PKNOX2: variants seen among roughly 807,000 people sequenced by gnomAD.
PKNOX2 encodes homeobox protein PKNOX2.
Under a neutral mutation model 53.1 loss-of-function variants are expected in PKNOX2, and 14 were observed. That is an observed-to-expected ratio of 0.26 (90% confidence interval 0.17 to 0.41). PKNOX2 has a LOEUF of 0.41. Among genes scored for constraint, PKNOX2 ranks in the 10% least tolerant of loss-of-function variants. The probability of loss-of-function intolerance (pLI) is 1.00; values close to 1 mark genes in which losing one functional copy is unlikely to be tolerated. For synonymous variants in PKNOX2, 257 were observed against 242.8 expected (o/e 1.06, Z -0.54); for missense variants, 496 against 602.8 (o/e 0.82, Z 1.85).
At chr11:125,241,639 G>A (rs995602383) in intron 2 of PKNOX2, among the ~76,000 whole-genome samples, 6 of 152,174 alleles carry the variant, frequency 3.9e-5, no homozygotes, top group South Asian at 2.1e-4. Context: ...GGCAGATCAC[G>A]AGGTCAGGAG....
chr11:125,275,701 T>G (rs540093820), intron 2 of PKNOX2, among the ~76,000 whole-genome samples: 11 of 152,152 alleles, frequency 7.2e-5, no homozygotes, highest in African/African-American at 2.4e-4. Context: ...ATGGAGAGTT[T>G]TACTTAGATG....
At chr11:125,224,011 C>A (rs986990540) in intron 1 of PKNOX2, among the ~76,000 whole-genome samples, 3 of 152,260 alleles carry the variant, frequency 2.0e-5, no homozygotes, top group Admixed American at 6.5e-5. Context: ...GCACATGAGT[C>A]TTGAGAAGGC....
intron 2 of PKNOX2, among the ~76,000 whole-genome samples, chr11:125,243,654 G>C (rs1195281893): frequency 6.9e-6 from 1 of 145,814 alleles, no homozygotes; most frequent in Non-Finnish European, 1.5e-5. Flanking sequence ...ATAGGGTCTC[G>C]CTCTGTCGCC....
Position 125,342,403 on chromosome 11 carries a change from T to C in PKNOX2, c.-22-8881T>C, listed in dbSNP as rs1474487484. On this transcript the variant is annotated intron_variant, in intron 3 of 12. Coordinates refer to ENST00000298282, the MANE Select transcript of PKNOX2 (RefSeq NM_001382323.2). ...CCGGCCACCCTACTCACACCTTACA[T>C]GGTCCCCATGCCTGCTTTCCTCCTC... Among the ~76,000 whole-genome samples the C allele has an allele frequency of 4.6e-5, 7 of 152,178 alleles. No homozygotes were observed. In the East Asian group the frequency reaches 1.4e-3, roughly 29 times the overall value.
intron 7 of PKNOX2, among the ~76,000 whole-genome samples, chr11:125,405,415 A>G (rs1955025642): frequency 6.6e-6 from 1 of 152,148 alleles, no homozygotes; most frequent in South Asian, 2.1e-4. Flanking sequence ...TTTCCCTATT[A>G]AAAATGAAGC....
chr11:125,421,718 G>A (rs1209563773), intron 10 of PKNOX2, among the ~76,000 whole-genome samples: 3 of 152,234 alleles, frequency 2.0e-5, no homozygotes, highest in Non-Finnish European at 4.4e-5. Context: ...TGGCCTTGCA[G>A]GCCGGCATGT....
At chr11:125,266,515 A>T (rs756853588) in intron 2 of PKNOX2, 32 of 152,272 alleles carry the variant, frequency 2.1e-4, no homozygotes, top group Non-Finnish European at 3.5e-4. Flanking sequence ...TGGAGGCAGG[A>T]AGGGGGTATT....
At chr11:125,284,401 CACA>C (rs1219829301) in intron 2 of PKNOX2, among the ~76,000 whole-genome samples, 3 of 152,190 alleles carry the variant, frequency 2.0e-5, no homozygotes, top group Non-Finnish European at 4.4e-5. Flanking sequence ...GCCTTTACTC[CACA>C]ACAACAACCA....
intron 2 of PKNOX2, among the ~76,000 whole-genome samples, chr11:125,287,446 A>G (rs1410258117): frequency 6.6e-6 from 1 of 152,232 alleles, no homozygotes; most frequent in Admixed American, 6.5e-5. Context: ...AGGGCGTGCT[A>G]GCAGCCAAAT....
At chr11:125,267,204 C>T (rs565809663) in intron 2 of PKNOX2, among the ~76,000 whole-genome samples, 63 of 152,286 alleles carry the variant, frequency 4.1e-4, no homozygotes, top group African/African-American at 1.4e-3. Flanking sequence ...CATAGGTAGA[C>T]GTTTGGTCAA....
intron 2 of PKNOX2, among the ~76,000 whole-genome samples, chr11:125,315,761 A>C (rs1949145007): frequency 6.6e-6 from 1 of 152,124 alleles, no homozygotes; most frequent in South Asian, 2.1e-4. Context: ...GTTTGGCTCA[A>C]GTGCTGACTC....
intron 7 of PKNOX2, among the ~76,000 whole-genome samples, chr11:125,400,150 C>A (rs951992182): frequency 6.6e-6 from 1 of 152,040 alleles, no homozygotes; most frequent in South Asian, 2.1e-4. Flanking sequence ...AGGAATCAGA[C>A]AATTGCGTGG....
At chr11:125,176,689 G>A (rs1339540199) in intron 1 of PKNOX2, among the ~76,000 whole-genome samples, 1 of 152,200 alleles carries the variant, frequency 6.6e-6, no homozygotes, top group Non-Finnish European at 1.5e-5. Flanking sequence ...CCCTCCTGTG[G>A]GGCCCTTTCT....
At chr11:125,392,260 G>C (rs1954095071) in intron 6 of PKNOX2, among the ~76,000 whole-genome samples, 1 of 152,214 alleles carries the variant, frequency 6.6e-6, no homozygotes, top group Admixed American at 6.5e-5. Flanking sequence ...TACACGTAAA[G>C]AGACTGAGGC....
chr11:125,189,415 G>GTGTGTATATATATATGTGTGTATATATA lies in PKNOX2; in HGVS notation c.-201+24644_-201+24645insATATATATATGTGTGTATATATATGTGT, dbSNP rs1470001960. Among the ~76,000 whole-genome samples, 297 of 57,984 alleles carry GTGTGTATATATATATGTGTGTATATATA rather than the reference G, an allele frequency of 5.1e-3. 17 individuals are homozygous for GTGTGTATATATATATGTGTGTATATATA. The highest frequency in any genetic ancestry group is 0.015 in the African/African-American group (237 of 15,780). 38.0% of individuals were successfully genotyped at this position (57,984 alleles called of 152,430 possible). On this transcript the variant is annotated intron_variant, in intron 1 of 12. Coordinates refer to ENST00000298282, the MANE Select transcript of PKNOX2 (RefSeq NM_001382323.2). ...TATATATATGTGTGTATATATATAT[G>GTGTGTATATATATATGTGTGTATATATA]TGTGTGTGTGTGTGTGTGTGTGTGT...
At chr11:125,342,206 A>G (rs1380812819) in intron 3 of PKNOX2, among the ~76,000 whole-genome samples, 3 of 152,006 alleles carry the variant, frequency 2.0e-5, no homozygotes, top group Non-Finnish European at 4.4e-5. Context: ...AAAATTTGGA[A>G]CAAGGTATCA....
chr11:125,384,309 G>T (rs1953465380), intron 5 of PKNOX2, among the ~76,000 whole-genome samples: 1 of 152,260 alleles, frequency 6.6e-6, no homozygotes, highest in Admixed American at 6.5e-5. Flanking sequence ...AACAACTCAG[G>T]GACTATGAGT....
chr11:125,207,227 C>T lies in PKNOX2; in HGVS notation c.-200-27818C>T, dbSNP rs143915803. ...TCTTTCCCTTCCTTCCACCCTCCCTCCTCCCTTCCTTTCCTCCCTTCTTTG... is the reference window on the plus strand; with the variant it reads ...TCTTTCCCTTCCTTCCACCCTCCCTTCTCCCTTCCTTTCCTCCCTTCTTTG... On this transcript the variant is annotated intron_variant, in intron 1 of 12. Transcript: ENST00000298282. Among the ~76,000 whole-genome samples, 47 of 152,164 alleles carry T rather than the reference C, an allele frequency of 3.1e-4. 2 individuals carry two copies. Among genetic ancestry groups the T allele is most frequent in the Non-Finnish European group, 5.4e-4 (37 of 67,972 alleles).
chr11:125,202,078 C>A (rs1938511652), intron 1 of PKNOX2, among the ~76,000 whole-genome samples: 1 of 152,234 alleles, frequency 6.6e-6, no homozygotes, highest in South Asian at 2.1e-4. Flanking sequence ...GGACTCCCAA[C>A]AAGACGGCCT....
Sources: allele counts gnomAD v4.1 joint callset (sites outside exome capture counted in the v4.1 genomes callset), GRCh38; gene constraint gnomAD v4.1.1; transcripts MANE v1.5; gene names NCBI Gene and HGNC (gene_info 2026-07-23, HGNC 2026-07-21).